HTR1E: variants seen among roughly 807,000 people sequenced by gnomAD.
The protein encoded by HTR1E is 5-hydroxytryptamine receptor 1E.
A neutral mutation model predicts 3.4 loss-of-function variants in HTR1E; 3 were observed. The observed-to-expected ratio is 0.89, with a 90% CI of 0.41 to 2.31. HTR1E has a LOEUF of 2.31. HTR1E is among the 30% of genes most tolerant of loss of function. The pLI, the probability that HTR1E is intolerant of heterozygous loss-of-function variation, is 0.05. For missense variants in HTR1E, 392 were observed against 467.0 expected, an observed-to-expected ratio of 0.84 and a Z score of 1.48; for synonymous variants, 170 against 182.8, an observed-to-expected ratio of 0.93 and a Z score of 0.56.
At chr6:86,996,493 G>A (rs553707058) in intron 1 of HTR1E, among the ~76,000 whole-genome samples, 3 of 136,734 alleles carry the variant, frequency 2.2e-5, no homozygotes, top group African/African-American at 7.9e-5. Context: ...ATAAAAGATT[G>A]TTATTTTGTT....
chr6:86,993,816 G>GAA (rs1027967994), intron 1 of HTR1E, among the ~76,000 whole-genome samples: 1 of 147,118 alleles, frequency 6.8e-6, no homozygotes. Flanking sequence ...ACTTAAATGA[G>GAA]AAAAAAAAAA....
intron 1 of HTR1E, among the ~76,000 whole-genome samples, chr6:86,950,966 G>A (rs1322669187): frequency 6.6e-6 from 1 of 152,078 alleles, no homozygotes; most frequent in Non-Finnish European, 1.5e-5. Context: ...ATAAAGCAAG[G>A]TTTGTCTATT....
At chr6:87,009,916 G>A (rs1324641827) in intron 1 of HTR1E, among the ~76,000 whole-genome samples, 5 of 125,910 alleles carry the variant, frequency 4.0e-5, no homozygotes, top group South Asian at 2.6e-4. Context: ...GGACGGGGCG[G>A]CTGGCCGGGC....
intron 1 of HTR1E, among the ~76,000 whole-genome samples, chr6:86,997,149 T>C (rs556647248): frequency 1.1e-4 from 16 of 152,046 alleles, no homozygotes; most frequent in Admixed American, 1.0e-3. Context: ...CATTCATTCA[T>C]TATAAAAAAG....
Position 87,016,465 on chromosome 6 carries a change from A to G in HTR1E, c.*33A>G. 6.5e-7 allele frequency: 1 copy of G among 1,547,800 alleles called. No individual in the cohort carries two copies. The highest frequency in any genetic ancestry group is 8.7e-7 in the Non-Finnish European group (1 of 1,144,284). ...AAAGCTAAAAGGCACGACTTTTTCCAGAGCCTCATGAGTGGATGGGGGTAA... is the reference window on the plus strand; with the variant it reads ...AAAGCTAAAAGGCACGACTTTTTCCGGAGCCTCATGAGTGGATGGGGGTAA... On this transcript the variant is annotated 3_prime_UTR_variant, in exon 2 of 2. Transcript: ENST00000305344.
chr6:87,007,998 A>C (rs1415660336), intron 1 of HTR1E, among the ~76,000 whole-genome samples: 1 of 152,232 alleles, frequency 6.6e-6, no homozygotes, highest in Non-Finnish European at 1.5e-5. Flanking sequence ...GGCAAACCAC[A>C]GAATGGAAGA....
At chr6:86,940,671 T>TC (rs1350295765) in intron 1 of HTR1E, among the ~76,000 whole-genome samples, 1 of 152,240 alleles carries the variant, frequency 6.6e-6, no homozygotes, top group Non-Finnish European at 1.5e-5. Context: ...ATCATTTTTT[T>TC]CATGTTTGTT....
At chr6:87,001,029 T>A (rs984204638) in intron 1 of HTR1E, among the ~76,000 whole-genome samples, 6 of 152,176 alleles carry the variant, frequency 3.9e-5, no homozygotes, top group African/African-American at 1.2e-4. Flanking sequence ...TTTTATTAGT[T>A]TTCTCTTTGC....
chr6:87,012,331 C>T (rs780969125), intron 1 of HTR1E, among the ~76,000 whole-genome samples: 22 of 152,024 alleles, frequency 1.4e-4, no homozygotes, highest in Non-Finnish European at 2.5e-4. Context: ...CACTTATAAC[C>T]GGGAGCTAAA....
At chr6:87,010,007 A>G (rs1218155036) in intron 1 of HTR1E, among the ~76,000 whole-genome samples, 51 of 65,966 alleles carry the variant, frequency 7.7e-4, no homozygotes, top group East Asian at 1.8e-3. Flanking sequence ...GGCCGGGCGG[A>G]GGGCTGACCC....
intron 1 of HTR1E, among the ~76,000 whole-genome samples, chr6:86,994,980 A>G (rs1767915782): frequency 2.0e-5 from 3 of 152,198 alleles, no homozygotes; most frequent in South Asian, 4.1e-4. Context: ...ACAAAGAGGT[A>G]AATCCAAAAA....
At chr6:87,010,516 C>G (rs1233262598) in intron 1 of HTR1E, among the ~76,000 whole-genome samples, 1 of 143,676 alleles carries the variant, frequency 7.0e-6, no homozygotes, top group Non-Finnish European at 1.5e-5. Flanking sequence ...GATGGGGCGG[C>G]GGGGCAGAGG....
chr6:86,940,987 T>C (rs939589132), intron 1 of HTR1E, among the ~76,000 whole-genome samples: 9 of 152,250 alleles, frequency 5.9e-5, no homozygotes, highest in African/African-American at 1.4e-4. Context: ...CAGGGAAACA[T>C]TGAAGATGAG....
intron 1 of HTR1E, among the ~76,000 whole-genome samples, chr6:87,004,626 A>G (rs1039073168): frequency 6.6e-6 from 1 of 152,200 alleles, no homozygotes; most frequent in Admixed American, 6.5e-5. Context: ...ACAGACCCAC[A>G]GCTAGTATCA....
Position 87,015,574 on chromosome 6 carries a change from C to T in HTR1E, c.240C>T (p.Ile80=). 1 of 1,613,654 alleles carries T rather than the reference C, an allele frequency of 6.2e-7. No individual in the cohort carries two copies. Among genetic ancestry groups the T allele is most frequent in the South Asian group, 1.1e-5 (1 of 91,004 alleles). ...CAGTGCTCGTCATGCCCCTGAGCATCATCTACATTGTCATGGATCGCTGGA... is the reference window on the plus strand; with the variant it reads ...CAGTGCTCGTCATGCCCCTGAGCATTATCTACATTGTCATGGATCGCTGGA... ...LVAVLVMPLS[I]IYIVMDRWKL... The change falls in exon 2 of 2, where the codon ATC becomes ATT. Residue 80 remains isoleucine, a synonymous_variant. Coordinates refer to ENST00000305344, the MANE Select transcript of HTR1E (RefSeq NM_000865.3).
intron 1 of HTR1E, among the ~76,000 whole-genome samples, chr6:86,950,554 G>T (rs1397496034): frequency 1.3e-5 from 2 of 152,268 alleles, no homozygotes; most frequent in East Asian, 3.9e-4. Flanking sequence ...TCTGTGATAA[G>T]AATAATATCA....
intron 1 of HTR1E, among the ~76,000 whole-genome samples, chr6:87,010,545 C>A (rs567705284): frequency 7.4e-6 from 1 of 134,846 alleles, no homozygotes; most frequent in African/African-American, 2.8e-5. Flanking sequence ...ACATCTCAGA[C>A]GATGGGCGGC....
chr6:87,008,562 T>A (rs1227758447), intron 1 of HTR1E, among the ~76,000 whole-genome samples: 2 of 152,168 alleles, frequency 1.3e-5, no homozygotes, highest in Non-Finnish European at 2.9e-5. Flanking sequence ...AAATTAAAAA[T>A]GAACTGAGCA....
chr6:86,991,830 T>A (rs1767872936), intron 1 of HTR1E, among the ~76,000 whole-genome samples: 1 of 152,190 alleles, frequency 6.6e-6, no homozygotes, highest in Admixed American at 6.5e-5. Context: ...AATAGTAGAA[T>A]AGACTCCAGT....
Sources: allele counts gnomAD v4.1 joint callset (sites outside exome capture counted in the v4.1 genomes callset), GRCh38; gene constraint gnomAD v4.1.1; transcripts MANE v1.5; gene names NCBI Gene and HGNC (gene_info 2026-07-23, HGNC 2026-07-21).